Variants in ANO5 observed in about 807,000 individuals in gnomAD.
The protein encoded by ANO5 is anoctamin 5.
Under a neutral mutation model 121.0 loss-of-function variants are expected in ANO5, and 109 were observed. The ratio of observed to expected loss-of-function variants is 0.90; its 90% confidence interval spans 0.77 to 1.06. ANO5 has a LOEUF of 1.06. Ranked by LOEUF, ANO5 falls within the 50% of genes least tolerant of loss-of-function variation. The pLI is 0.00. For missense variants in ANO5, 1,064 were observed against 1,078.5 expected (o/e 0.99, Z 0.19); for synonymous variants, 406 against 359.9 (o/e 1.13, Z -1.45).
intron 3 of ANO5, among the ~76,000 whole-genome samples, chr11:22,213,891 T>TTTTTGTTTTGTTTTGTTTTGTTTTG (rs59952448): frequency 6.7e-6 from 1 of 148,380 alleles, no homozygotes; most frequent in East Asian, 2.0e-4. Context: ...GGTGTTTTGT[T>TTTTTGTTTTGTTTTGTTTTGTTTTG]TTTTGTTTTG....
At chr11:22,262,775 A>G (rs1433263269) in intron 16 of ANO5, among the ~76,000 whole-genome samples, 171 bp from the exon 17 acceptor site, 1 of 152,244 alleles carries the variant, frequency 6.6e-6, no homozygotes, top group Non-Finnish European at 1.5e-5. Context: ...TAATGCAGCT[A>G]GCCTGGCACT....
At chr11:22,268,874 T>G (rs1854464722) in intron 17 of ANO5, among the ~76,000 whole-genome samples, 1 of 151,950 alleles carries the variant, frequency 6.6e-6, no homozygotes, top group African/African-American at 2.4e-5. Context: ...AAAAATTAGC[T>G]AGGCATGGAG....
chr11:22,214,890 TA>T (rs1242229115), intron 3 of ANO5, among the ~76,000 whole-genome samples: 1 of 151,980 alleles, frequency 6.6e-6, no homozygotes, highest in Non-Finnish European at 1.5e-5. Flanking sequence ...AGAAACTCTA[TA>T]TCAATTATTT....
chr11:22,217,895 T>G (rs1434325048), intron 3 of ANO5, among the ~76,000 whole-genome samples: 3 of 151,944 alleles, frequency 2.0e-5, no homozygotes, highest in Admixed American at 2.0e-4. Flanking sequence ...TTTCCTTATG[T>G]AACAAATCTG....
At chr11:22,210,862 C>G (rs1852255143) in intron 2 of ANO5, among the ~76,000 whole-genome samples, 1 of 151,856 alleles carries the variant, frequency 6.6e-6, no homozygotes, top group Non-Finnish European at 1.5e-5. Flanking sequence ...TCTGCCTTTC[C>G]TGTTGGTCCT....
At position 22,255,243 on chromosome 11, in the gene ANO5, A is replaced by T. The variant is rs917629892; in HGVS notation, c.1181-128A>T. ...TAATAATTGATGAAGTTTTAATCAA[A>T]CACAACAGTGAAAGAATAGCCACCT... On this transcript the variant is annotated intron_variant, in intron 12 of 21. Coordinates refer to ENST00000324559, the MANE Select transcript of ANO5 (RefSeq NM_213599.3). The T allele has an allele frequency of 1.3e-5, 9 of 676,970 alleles. No individual in the cohort carries two copies. The Admixed American group carries it at 1.5e-4, about 12-fold the overall frequency. The allele number at this position is 676,970 out of a possible 1,614,324, so 41.9% of individuals were successfully genotyped here.
chr11:22,280,009 G>A lies in ANO5; in HGVS notation c.*244G>A, dbSNP rs1855024944. The A allele has an allele frequency of 2.0e-6, 1 of 499,860 alleles. No homozygotes were observed. The highest frequency in any genetic ancestry group is 2.0e-5 in the African/African-American group (1 of 51,252). 31.0% of individuals were successfully genotyped at this position (499,860 alleles called of 1,614,324 possible). On this transcript the variant is annotated 3_prime_UTR_variant, in exon 22 of 22. Coordinates refer to ENST00000324559, the MANE Select transcript of ANO5 (RefSeq NM_213599.3). ...TGTTGTTTTCTGAGGTGCTGTAAAT[G>A]ACTGTTGAAAGTGCAGGTAGAATCA...
chr11:22,269,477 AAGAAAGGAAAGAAAAAAGAAAAGG>A (rs1428611707), intron 17 of ANO5, among the ~76,000 whole-genome samples: 20 of 38,226 alleles, frequency 5.2e-4, no homozygotes, highest in African/African-American at 3.1e-3. Context: ...GAAAAAAGAA[AAGAAAGGAAAGAAAAAAGAAAAGG>A]AAGGAAAGAA....
chr11:22,226,514 C>G (rs1374319214), intron 6 of ANO5, among the ~76,000 whole-genome samples: 1 of 151,914 alleles, frequency 6.6e-6, no homozygotes, highest in Admixed American at 6.6e-5. Context: ...TATTTAATAT[C>G]TTACCCTATC....
chr11:22,236,619 A>G (rs1056590049), intron 8 of ANO5, among the ~76,000 whole-genome samples: 8 of 152,196 alleles, frequency 5.3e-5, no homozygotes, highest in African/African-American at 1.4e-4. Context: ...TTTCTCATTT[A>G]TAAAGTTTTG....
intron 7 of ANO5, among the ~76,000 whole-genome samples, chr11:22,234,309 T>C (rs1287339653): frequency 6.6e-6 from 1 of 152,140 alleles, no homozygotes; most frequent in Non-Finnish European, 1.5e-5. Flanking sequence ...ATCTTTGACA[T>C]TATCTCATCC....
intron 1 of ANO5, among the ~76,000 whole-genome samples, chr11:22,199,234 A>G (rs561132949): frequency 6.6e-6 from 1 of 152,302 alleles, no homozygotes; most frequent in South Asian, 2.1e-4. Context: ...AGTAGAATAG[A>G]ATAATAACAA....
At chr11:22,230,284 A>G (rs1310857144) in intron 7 of ANO5, among the ~76,000 whole-genome samples, 1 of 151,988 alleles carries the variant, frequency 6.6e-6, no homozygotes, top group African/African-American at 2.4e-5. Context: ...AATAAGATAC[A>G]TCTAATCATT....
chr11:22,264,404 A>T (rs1224068911), intron 17 of ANO5, among the ~76,000 whole-genome samples: 2 of 151,892 alleles, frequency 1.3e-5, no homozygotes, highest in African/African-American at 4.8e-5. Flanking sequence ...ACCAAACAGA[A>T]GATGGGGGAT....
rs539430879 is a variant in ANO5 at position 22,279,905 on chromosome 11, T to A, written c.*140T>A. The A allele has an allele frequency of 1.3e-6, 1 of 748,030 alleles. No homozygotes were observed. Among genetic ancestry groups the A allele is most frequent in the East Asian group, 2.7e-5 (1 of 37,214 alleles). 46.3% of individuals were successfully genotyped at this position (748,030 alleles called of 1,614,324 possible). ...TTTTTTTTTTTAAACTCAAAGTTTT[T>A]ATACACTTTTATAGAGGCCAACTTT... On this transcript the variant is annotated 3_prime_UTR_variant, in exon 22 of 22. Coordinates refer to ENST00000324559, the MANE Select transcript of ANO5 (RefSeq NM_213599.3).
intron 3 of ANO5, among the ~76,000 whole-genome samples, chr11:22,213,095 A>G (rs1190730166): frequency 6.6e-6 from 1 of 151,480 alleles, no homozygotes; most frequent in Non-Finnish European, 1.5e-5. Context: ...TCTATTTATT[A>G]TAAATAAAAT....
At chr11:22,236,082 A>G in intron 7 of ANO5, 81 bp from the exon 8 acceptor site, 3 of 902,042 alleles carry the variant, frequency 3.3e-6, no homozygotes, top group Admixed American at 1.8e-5. Flanking sequence ...CAAAGTAGAC[A>G]TTGTTAAATT....
intron 17 of ANO5, among the ~76,000 whole-genome samples, chr11:22,268,547 A>G (rs1026298684): frequency 2.6e-5 from 4 of 152,310 alleles, no homozygotes; most frequent in Admixed American, 1.3e-4. Flanking sequence ...TGGGTTTTCT[A>G]TTCAGACAAT....
chr11:22,207,978 A>G (rs1191287311), intron 2 of ANO5, among the ~76,000 whole-genome samples: 2 of 152,052 alleles, frequency 1.3e-5, no homozygotes, highest in Admixed American at 1.3e-4. Flanking sequence ...TCAAAGTGAG[A>G]TGTCAGTATA....
Sources: gnomAD v4.1 joint callset for allele counts (sites outside exome capture counted in the v4.1 genomes callset) on GRCh38, gnomAD v4.1.1 for gene constraint, MANE v1.5 for transcripts, NCBI Gene and HGNC (gene_info 2026-07-23, HGNC 2026-07-21) for gene names.